TRPC4: variants seen among roughly 807,000 people sequenced by gnomAD.
TRPC4 encodes transient receptor potential cation channel subfamily C member 4, also known as short transient receptor potential channel 4.
A neutral mutation model predicts 99.4 loss-of-function variants in TRPC4; 49 were observed. That is an observed-to-expected ratio of 0.49 (90% CI 0.39 to 0.63). The LOEUF (loss-of-function observed/expected upper bound fraction) is 0.63, where lower values mean the gene tolerates loss of function less well. Ranked by LOEUF, TRPC4 falls within the 20% of genes least tolerant of loss-of-function variation. The probability of loss-of-function intolerance (pLI) is 0.00; values close to 1 mark genes in which losing one functional copy is unlikely to be tolerated. For missense variants in TRPC4, 898 were observed against 1,152.9 expected, an observed-to-expected ratio of 0.78 and a Z score of 3.20; for synonymous variants, 454 against 425.9, an observed-to-expected ratio of 1.07 and a Z score of -0.81.
chr13:37,784,763 A>T (rs1169512485), intron 1 of TRPC4, among the ~76,000 whole-genome samples: 1 of 152,012 alleles, frequency 6.6e-6, no homozygotes, highest in Admixed American at 6.6e-5. Flanking sequence ...TAATATTTTT[A>T]TTTTGGGAAA....
intron 1 of TRPC4, among the ~76,000 whole-genome samples, chr13:37,831,664 A>C (rs571120768): frequency 3.8e-4 from 58 of 152,374 alleles, no homozygotes; most frequent in African/African-American, 1.3e-3. Context: ...GATAAAGAAA[A>C]AAATGCTGTA....
At chr13:37,846,534 G>C (rs1958903111) in intron 1 of TRPC4, among the ~76,000 whole-genome samples, 1 of 151,764 alleles carries the variant, frequency 6.6e-6, no homozygotes, top group Non-Finnish European at 1.5e-5. Flanking sequence ...ATATTTCCTG[G>C]TAACCCACTT....
chr13:37,735,054 C>G (rs1333357), intron 3 of TRPC4, among the ~76,000 whole-genome samples: 150,770 of 152,268 alleles, frequency 0.99, 74,662 homozygotes, highest in Middle Eastern at 1. Flanking sequence ...CACAGCTTCA[C>G]AATTCAGCTT....
chr13:37,746,835 C>T (rs1222617791), intron 2 of TRPC4, among the ~76,000 whole-genome samples: 3 of 152,222 alleles, frequency 2.0e-5, no homozygotes, highest in Middle Eastern at 3.4e-3. Context: ...AAGAAATACA[C>T]TCAAAAACAG....
chr13:37,788,678 T>C (rs1486742994), intron 1 of TRPC4, among the ~76,000 whole-genome samples: 3 of 152,088 alleles, frequency 2.0e-5, no homozygotes, highest in Non-Finnish European at 4.4e-5. Context: ...AGGGTCCTGC[T>C]TGTGGCTCTT....
At chr13:37,667,432 G>A (rs898977052) in intron 5 of TRPC4, among the ~76,000 whole-genome samples, 1 of 152,088 alleles carries the variant, frequency 6.6e-6, no homozygotes, top group Non-Finnish European at 1.5e-5. Flanking sequence ...TCAGCCTCCT[G>A]AGTAGCTGGG....
At chr13:37,711,251 AT>A (rs1954474918) in intron 3 of TRPC4, among the ~76,000 whole-genome samples, 1 of 152,044 alleles carries the variant, frequency 6.6e-6, no homozygotes, top group South Asian at 2.1e-4. Context: ...AATATATTCC[AT>A]GAATTATTTT....
At chr13:37,731,390 G>T (rs1330237537) in intron 3 of TRPC4, among the ~76,000 whole-genome samples, 4 of 151,944 alleles carry the variant, frequency 2.6e-5, no homozygotes, top group African/African-American at 7.2e-5. Flanking sequence ...AACACAAGAA[G>T]CTGTGAAAAT....
chr13:37,684,650 T>G (rs1218696492), intron 4 of TRPC4, among the ~76,000 whole-genome samples: 1 of 152,146 alleles, frequency 6.6e-6, no homozygotes, highest in Non-Finnish European at 1.5e-5. Flanking sequence ...AGAAGTTGCC[T>G]AATATATAGT....
At position 37,783,108 on chromosome 13, in the gene TRPC4, T is replaced by C. The variant is rs529416861; in HGVS notation, c.226A>G (p.Ile76Val). 1 of 1,613,472 alleles carries C rather than the reference T, an allele frequency of 6.2e-7. No individual in the cohort carries two copies. Among genetic ancestry groups the C allele is most frequent in the Non-Finnish European group, 8.5e-7 (1 of 1,179,740 alleles). ...TCCAAGTTCTCATTTTCAATTGCAA[T>C]GAGGAGAGCAGTTCTTCCGAGAGGA... is the stretch of plus-strand genomic sequence containing the variant. Reference protein sequence around the residue: ...IDPLGRTALLIAIENENLELI... With the variant: ...IDPLGRTALLVAIENENLELI... The change falls in exon 2 of 11, where the codon ATT becomes GTT. Residue 76 changes from isoleucine to valine, a missense_variant. By Grantham distance (29) the Ile-to-Val change is conservative. Around this residue, in one of 3 missense-constraint regions of TRPC4, gnomAD observed 278 missense variants for 346.6 expected, o/e 0.80. Transcript: ENST00000379705.
At chr13:37,768,583 A>T (rs965560650) in intron 2 of TRPC4, among the ~76,000 whole-genome samples, 1 of 151,350 alleles carries the variant, frequency 6.6e-6, no homozygotes, top group Non-Finnish European at 1.5e-5. Flanking sequence ...TATTTTAGCA[A>T]TTTACAAGTT....
chr13:37,724,505 A>G (rs1954973408), intron 3 of TRPC4, among the ~76,000 whole-genome samples: 3 of 152,208 alleles, frequency 2.0e-5, no homozygotes, highest in Non-Finnish European at 2.9e-5. Context: ...TATTTACATT[A>G]TCATATTATG....
chr13:37,800,461 A>C (rs2139428936), intron 1 of TRPC4, among the ~76,000 whole-genome samples: 1 of 152,328 alleles, frequency 6.6e-6, no homozygotes, highest in South Asian at 2.1e-4. Flanking sequence ...CTAGGTTCAT[A>C]GTTTACAAGA....
At chr13:37,695,160 C>A (rs1953865413) in intron 3 of TRPC4, among the ~76,000 whole-genome samples, 1 of 151,654 alleles carries the variant, frequency 6.6e-6, no homozygotes, top group African/African-American at 2.4e-5. Flanking sequence ...GCCTGACTAC[C>A]TCCCTCTCTT....
chr13:37,863,872 C>T (rs1311422605), intron 1 of TRPC4, among the ~76,000 whole-genome samples: 2 of 151,608 alleles, frequency 1.3e-5, no homozygotes, highest in Non-Finnish European at 3.0e-5. Context: ...ATTTATTTCA[C>T]TCATCTATTC....
chr13:37,801,707 A>G (rs1957406496), intron 1 of TRPC4, among the ~76,000 whole-genome samples: 1 of 152,044 alleles, frequency 6.6e-6, no homozygotes, highest in Admixed American at 6.6e-5. Flanking sequence ...AAATGTTCCT[A>G]TTTTCAGGTT....
chr13:37,743,426 G>A (rs1955648748), intron 3 of TRPC4, among the ~76,000 whole-genome samples: 1 of 151,990 alleles, frequency 6.6e-6, no homozygotes, highest in Admixed American at 6.6e-5. Context: ...CATAGGTTTT[G>A]ACATTGAAAC....
At chr13:37,721,757 G>C (rs1954877282) in intron 3 of TRPC4, among the ~76,000 whole-genome samples, 1 of 152,038 alleles carries the variant, frequency 6.6e-6, no homozygotes, top group Non-Finnish European at 1.5e-5. Flanking sequence ...CCTACTGTAA[G>C]AGTAAGGTGA....
chr13:37,825,921 G>A (rs1356513407), intron 1 of TRPC4, among the ~76,000 whole-genome samples: 2 of 145,532 alleles, frequency 1.4e-5, no homozygotes, highest in Non-Finnish European at 3.0e-5. Context: ...TCTCTTTGTA[G>A]GTCACTCAGG....
Sources: gnomAD v4.1 joint callset for allele counts (sites outside exome capture counted in the v4.1 genomes callset) on GRCh38, gnomAD v4.1.1 for gene constraint, gnomAD v4.1.1 regional missense constraint, MANE v1.5 for transcripts, NCBI Gene and HGNC (gene_info 2026-07-23, HGNC 2026-07-21) for gene names.